The following BCKDHB variants were observed in gnomAD, a reference collection of about 807,000 sequenced individuals.
The protein encoded by BCKDHB is 2-oxoisovalerate dehydrogenase subunit beta, mitochondrial.
A neutral mutation model predicts 48.5 loss-of-function variants in BCKDHB; 41 were observed. The observed-to-expected ratio is 0.85, with a 90% CI of 0.66 to 1.10. The LOEUF (loss-of-function observed/expected upper bound fraction) is 1.10. Among genes scored for constraint, BCKDHB ranks in the 50% least tolerant of loss-of-function variants. BCKDHB has a pLI of 0.00. For missense variants in BCKDHB, 496 were observed against 494.2 expected (o/e 1.00, Z -0.03); for synonymous variants, 201 against 174.8 (o/e 1.15, Z -1.18).
intron 9 of BCKDHB, among the ~76,000 whole-genome samples, chr6:80,305,975 G>A (rs1340586752): frequency 2.0e-5 from 3 of 152,138 alleles, no homozygotes; most frequent in African/African-American, 7.2e-5. Context: ...CTTATTTGCT[G>A]GGTGGTTAAT....
chr6:80,231,222 A>G (rs1418383022), intron 8 of BCKDHB, among the ~76,000 whole-genome samples: 1 of 152,232 alleles, frequency 6.6e-6, no homozygotes, highest in Admixed American at 6.5e-5. Context: ...TGCTTTAAAT[A>G]TAAAAACCAA....
At chr6:80,239,630 G>T (rs916697414) in intron 8 of BCKDHB, among the ~76,000 whole-genome samples, 9 of 152,048 alleles carry the variant, frequency 5.9e-5, no homozygotes, top group African/African-American at 1.9e-4. Flanking sequence ...GACAATTTTG[G>T]CTTTTGTTAC....
At chr6:80,257,843 G>A (rs374234203) in intron 8 of BCKDHB, among the ~76,000 whole-genome samples, 2 of 152,008 alleles carry the variant, frequency 1.3e-5, no homozygotes, top group Admixed American at 1.3e-4. Flanking sequence ...GCAAATAGAC[G>A]GGCACATTTA....
chr6:80,432,321 C>A, the BCKDHB span, among the ~76,000 whole-genome samples: 1 of 152,120 alleles, frequency 6.6e-6, no homozygotes, highest in African/African-American at 2.4e-5. Flanking sequence ...GTACACCAAC[C>A]AAATGTAGAT....
chr6:80,313,386 A>G (rs1267783234), intron 9 of BCKDHB, among the ~76,000 whole-genome samples: 1 of 151,866 alleles, frequency 6.6e-6, no homozygotes, highest in Non-Finnish European at 1.5e-5. Context: ...TTTGAGATGG[A>G]GTCTCGCTTT....
chr6:80,402,548 C>G, the BCKDHB span, among the ~76,000 whole-genome samples: 1 of 151,842 alleles, frequency 6.6e-6, no homozygotes, highest in South Asian at 2.1e-4. Flanking sequence ...CACTTTATCC[C>G]ATTCTGTAGG....
At chr6:80,276,518 A>G (rs1389058497) in intron 9 of BCKDHB, among the ~76,000 whole-genome samples, 1 of 151,950 alleles carries the variant, frequency 6.6e-6, no homozygotes, top group Admixed American at 6.6e-5. Flanking sequence ...TGGTATTGGC[A>G]TTACTATTTA....
rs150807596 is a variant in BCKDHB, at chr6:80,279,542, G to C, written c.1038+6321G>C. Among the ~76,000 whole-genome samples, 9 of 151,488 alleles carry C rather than the reference G, an allele frequency of 5.9e-5. No individual in the cohort carries two copies. The East Asian group carries it at 1.4e-3, about 23-fold the overall frequency. On this transcript the variant is annotated intron_variant, in intron 9 of 9. Transcript: ENST00000320393. Reference sequence around the variant, plus strand: ...TTTCTTAAAACACACATCAAATTTCGTCCATTGTCTGTTTGAAAGCATCCA... The same window carrying C: ...TTTCTTAAAACACACATCAAATTTCCTCCATTGTCTGTTTGAAAGCATCCA...
intron 3 of BCKDHB, among the ~76,000 whole-genome samples, chr6:80,161,980 T>G (rs980773870): frequency 2.0e-5 from 3 of 152,218 alleles, no homozygotes; most frequent in Non-Finnish European, 4.4e-5. Context: ...AGTTTAAATT[T>G]CATGTCAATA....
At chr6:80,244,865 T>A (rs1199905988) in intron 8 of BCKDHB, among the ~76,000 whole-genome samples, 1 of 152,168 alleles carries the variant, frequency 6.6e-6, no homozygotes, top group African/African-American at 2.4e-5. Flanking sequence ...GAATATTGGT[T>A]TAAAATATGC....
the BCKDHB span, among the ~76,000 whole-genome samples, chr6:80,401,829 T>C: frequency 6.6e-6 from 1 of 151,880 alleles, no homozygotes; most frequent in Non-Finnish European, 1.5e-5. Context: ...TATTATACAG[T>C]AATTGTTTTT....
At chr6:80,409,556 G>T in the BCKDHB span, among the ~76,000 whole-genome samples, 1 of 91,966 alleles carries the variant, frequency 1.1e-5, no homozygotes, top group Non-Finnish European at 2.1e-5. Context: ...TATAAATCTG[G>T]GTGCTCTTGT....
chr6:80,322,328 T>G (rs1315693287), intron 9 of BCKDHB, among the ~76,000 whole-genome samples: 1 of 142,200 alleles, frequency 7.0e-6, no homozygotes, highest in Non-Finnish European at 1.5e-5. Flanking sequence ...AACCTCTACC[T>G]CCCAGGTTCA....
chr6:80,422,254 G>A, the BCKDHB span, among the ~76,000 whole-genome samples: 1 of 152,208 alleles, frequency 6.6e-6, no homozygotes, highest in Non-Finnish European at 1.5e-5. Flanking sequence ...CTTCTATGTG[G>A]TGTTGGGTCT....
At chr6:80,372,302 G>T in the BCKDHB span, among the ~76,000 whole-genome samples, 3 of 152,168 alleles carry the variant, frequency 2.0e-5, no homozygotes, top group East Asian at 3.9e-4. Context: ...ATTGATTTGT[G>T]TACATTAATT....
intron 3 of BCKDHB, among the ~76,000 whole-genome samples, chr6:80,147,409 AAATT>A (rs1488319861): frequency 6.6e-6 from 1 of 152,216 alleles, no homozygotes; most frequent in Non-Finnish European, 1.5e-5. Flanking sequence ...TATTTTTATA[AAATT>A]ATATGTTTGT....
the BCKDHB span, among the ~76,000 whole-genome samples, chr6:80,427,473 A>G: frequency 6.6e-5 from 10 of 152,276 alleles, no homozygotes; most frequent in East Asian, 1.3e-3. Flanking sequence ...TTGAACAATT[A>G]TATTTTAAAG....
intron 9 of BCKDHB, among the ~76,000 whole-genome samples, chr6:80,302,377 A>G (rs746282805): frequency 2.0e-5 from 3 of 152,152 alleles, no homozygotes; most frequent in Admixed American, 2.0e-4. Context: ...AATATATACT[A>G]AATTATTTTT....
chr6:80,107,958 C>A (rs1769213718), intron 1 of BCKDHB, among the ~76,000 whole-genome samples: 1 of 152,080 alleles, frequency 6.6e-6, no homozygotes, highest in African/African-American at 2.4e-5. Context: ...CTAGAGCTGA[C>A]ATTTTTGGAA....
Sources: allele counts gnomAD v4.1 joint callset (sites outside exome capture counted in the v4.1 genomes callset), GRCh38; gene constraint gnomAD v4.1.1; transcripts MANE v1.5; gene names NCBI Gene and HGNC (gene_info 2026-07-23, HGNC 2026-07-21).